FGF2: variants seen among roughly 807,000 people sequenced by gnomAD.
FGF2 encodes the protein basic fibroblast growth factor bFGF.
A neutral mutation model predicts 15.9 loss-of-function variants in FGF2; 13 were observed. The ratio of observed to expected loss-of-function variants is 0.82; its 90% confidence interval spans 0.53 to 1.30. FGF2 has a LOEUF of 1.30. Ranked by LOEUF, FGF2 falls within the 50% of genes most tolerant of loss-of-function variation. The probability of loss-of-function intolerance (pLI) is 0.00; values close to 1 mark genes in which losing one functional copy is unlikely to be tolerated. For synonymous variants in FGF2, 90 were observed against 78.4 expected (o/e 1.15, Z -0.78); for missense variants, 163 against 196.9 (o/e 0.83, Z 1.03).
chr4:122,897,555 A>AT lies in FGF2; in HGVS notation c.*5159_*5160insT. The AT allele has an allele frequency of 8.8e-7, 1 of 1,131,152 alleles. No homozygotes were observed. Among genetic ancestry groups the AT allele is most frequent in the Non-Finnish European group, 1.3e-6 (1 of 745,330 alleles). 70.1% of individuals were successfully genotyped at this position (1,131,152 alleles called of 1,614,324 possible). A position where few individuals can be genotyped will look rare whatever the true frequency, so the allele number is the denominator to read the frequency against. ...ATTTAAATTTTTATTCTTAGCTATA[A>AT]AGCAAGAAAGTAAACACATTAATTT... On this transcript the variant is annotated 3_prime_UTR_variant, in exon 3 of 3. Transcript: ENST00000644866.
chr4:122,838,580 T>C (rs749616759), intron 1 of FGF2, among the ~76,000 whole-genome samples: 1 of 152,114 alleles, frequency 6.6e-6, no homozygotes, highest in Non-Finnish European at 1.5e-5. Context: ...AGAATACAAG[T>C]TCATGGCCAG....
intron 1 of FGF2, 51 bp from the exon 2 acceptor site, chr4:122,876,270 A>G: frequency 1.9e-6 from 2 of 1,041,860 alleles, no homozygotes; most frequent in Non-Finnish European, 3.0e-6. Flanking sequence ...TATTGTGAAG[A>G]AGGCTCTTTC....
intron 1 of FGF2, among the ~76,000 whole-genome samples, chr4:122,829,169 C>T (rs544894484): frequency 1.6e-4 from 25 of 152,220 alleles, no homozygotes; most frequent in Admixed American, 1.5e-3. Flanking sequence ...GAATTGCATA[C>T]CACATTACCA....
intron 2 of FGF2, among the ~76,000 whole-genome samples, chr4:122,878,215 G>C (rs1726895174): frequency 6.6e-6 from 1 of 152,140 alleles, no homozygotes; most frequent in Non-Finnish European, 1.5e-5. Context: ...TATAGGAAAG[G>C]ATAAGAAGTA....
At chr4:122,876,109 C>A (rs1487258279) in intron 1 of FGF2, among the ~76,000 whole-genome samples, 1 of 152,132 alleles carries the variant, frequency 6.6e-6, no homozygotes, top group Non-Finnish European at 1.5e-5. Context: ...ACTCACAAGG[C>A]ACTGGTGCCC....
At chr4:122,848,411 A>G (rs997001836) in intron 1 of FGF2, among the ~76,000 whole-genome samples, 8 of 152,234 alleles carry the variant, frequency 5.3e-5, no homozygotes, top group Non-Finnish European at 1.2e-4. Context: ...ATTATGTTAA[A>G]CAAAAAGGGA....
intron 2 of FGF2, among the ~76,000 whole-genome samples, chr4:122,878,525 ACTGT>A (rs532892151): frequency 1.3e-3 from 194 of 152,324 alleles, no homozygotes; most frequent in African/African-American, 4.4e-3. Context: ...AGGTAGATAG[ACTGT>A]CTGCTGAATC....
At chr4:122,844,564 T>C (rs1318332463) in intron 1 of FGF2, among the ~76,000 whole-genome samples, 5 of 147,414 alleles carry the variant, frequency 3.4e-5, no homozygotes, top group African/African-American at 1.0e-4. Flanking sequence ...TCTTTTTCTT[T>C]CTTTCTTTTT....
rs1384101750 is a variant in FGF2 at position 122,866,364 on chromosome 4, T to C, written c.179-9957T>C. 7.6e-5 allele frequency among the ~76,000 whole-genome samples: 5 copies of C among 65,872 alleles called. No individual in the cohort carries two copies. The Admixed American group carries it at 8.0e-4, about 11-fold the overall frequency. 43.2% of individuals were successfully genotyped at this position (65,872 alleles called of 152,430 possible). A position where few individuals can be genotyped will look rare whatever the true frequency, so the allele number is the denominator to read the frequency against. On this transcript the variant is annotated intron_variant, in intron 1 of 2. Transcript: ENST00000644866. The stretch of plus-strand genomic sequence containing the variant: ...GCCTGGGTGAAAGAGCGAGACTCCG[T>C]CTCAAAAAAAAAAAAAATAAATAAA...
chr4:122,847,003 C>T (rs1225219811), intron 1 of FGF2, among the ~76,000 whole-genome samples: 7 of 152,150 alleles, frequency 4.6e-5, no homozygotes, highest in Non-Finnish European at 7.4e-5. Context: ...TTACAAGGGG[C>T]GCATTCCTCA....
At chr4:122,833,663 A>G (rs990625390) in intron 1 of FGF2, among the ~76,000 whole-genome samples, 3 of 152,022 alleles carry the variant, frequency 2.0e-5, no homozygotes, top group Non-Finnish European at 2.9e-5. Flanking sequence ...TGCTCACTAA[A>G]TGTCAGCTGA....
intron 1 of FGF2, 110 bp from the exon 2 acceptor site, chr4:122,876,211 A>G: frequency 1.3e-6 from 1 of 742,886 alleles, no homozygotes; most frequent in Non-Finnish European, 2.4e-6. Flanking sequence ...CAATCCTCCA[A>G]AGTGGATTAG....
rs1727304496 is a variant in FGF2 at position 122,894,936 on chromosome 4, A to C, written c.*2540A>C. 6.6e-6 allele frequency: 1 copy of C among 152,220 alleles called. No homozygotes were observed. The highest frequency in any genetic ancestry group is 2.4e-5 in the African/African-American group (1 of 41,460). The allele number at this position is 152,220 out of a possible 1,614,324, so 9.4% of individuals were successfully genotyped here. On this transcript the variant is annotated 3_prime_UTR_variant, in exon 3 of 3. Transcript: ENST00000644866. ...TAATCAAAAGTTCGGCATGTAGCTC[A>C]TGATCTATGCTGTTTCTATGTCGTG...
At chr4:122,872,689 C>A (rs1726764901) in intron 1 of FGF2, among the ~76,000 whole-genome samples, 1 of 152,162 alleles carries the variant, frequency 6.6e-6, no homozygotes, top group South Asian at 2.1e-4. Flanking sequence ...AGCAGAAACT[C>A]TATAAGCCAG....
intron 1 of FGF2, among the ~76,000 whole-genome samples, chr4:122,873,373 T>C (rs572528803): frequency 2.6e-5 from 4 of 152,388 alleles, no homozygotes; most frequent in Non-Finnish European, 5.9e-5. Flanking sequence ...AGCCCTTCTG[T>C]TCTGTTCCTA....
In FGF2 at chr4:122,893,231, T is replaced by TA. The variant is rs780673190; in HGVS notation, c.*842dup. On this transcript the variant is annotated 3_prime_UTR_variant, in exon 3 of 3. Coordinates refer to ENST00000644866, the MANE Select transcript of FGF2 (RefSeq NM_001361665.2). ...TTCTCGAACCGCTGTGTCTCCTACG[T>TA]AAAAAAAGAGATGTACAAATCAATA... 3.8e-6 allele frequency: 6 copies of TA among 1,582,382 alleles called. No homozygotes were observed. The highest frequency in any genetic ancestry group is 5.1e-6 in the Non-Finnish European group (6 of 1,165,136).
Position 122,827,045 on chromosome 4 carries a change from C to T in FGF2, c.-130C>T, listed in dbSNP as rs559642032. 123 of 1,136,326 alleles carry T rather than the reference C, an allele frequency of 1.1e-4. No individual in the cohort carries two copies. The African/African-American group carries it at 1.9e-3, about 17-fold the overall frequency. The allele number at this position is 1,136,326 out of a possible 1,614,324, so 70.4% of individuals were successfully genotyped here. On this transcript the variant is annotated 5_prime_UTR_variant, in exon 1 of 3. Coordinates refer to ENST00000644866, the MANE Select transcript of FGF2 (RefSeq NM_001361665.2). The surrounding 1 kb of genome is among the most constrained non-coding windows in gnomAD (Gnocchi z 4.2). Reference sequence around the variant, plus strand: ...GCGGGCGCGGCCGCGCGCTGCCGGGCGGGAGGCTGGGGGGCCGGGGCCGGG... The same window carrying T: ...GCGGGCGCGGCCGCGCGCTGCCGGGTGGGAGGCTGGGGGGCCGGGGCCGGG...
intron 1 of FGF2, among the ~76,000 whole-genome samples, chr4:122,866,689 A>T (rs565244788): frequency 6.6e-6 from 1 of 152,234 alleles, no homozygotes; most frequent in African/African-American, 2.4e-5. Context: ...ACAGACCATA[A>T]CAAGTGTTGG....
intron 1 of FGF2, among the ~76,000 whole-genome samples, chr4:122,868,034 T>C (rs1025115371): frequency 3.3e-5 from 5 of 152,174 alleles, no homozygotes; most frequent in African/African-American, 1.2e-4. Flanking sequence ...GTAAACAACA[T>C]AGTTAGGTTT....
Sources: allele counts gnomAD v4.1 joint callset (sites outside exome capture counted in the v4.1 genomes callset), GRCh38; gene constraint gnomAD v4.1.1; non-coding constraint Gnocchi (gnomAD v3.1); transcripts MANE v1.5; gene names NCBI Gene and HGNC (gene_info 2026-07-23, HGNC 2026-07-21).